Variants in TIGAR observed in about 807,000 individuals in gnomAD.
TIGAR encodes TP53 induced glycolysis regulatory phosphatase.
Under a neutral mutation model 17.9 loss-of-function variants are expected in TIGAR, and 7 were observed. The observed-to-expected ratio is 0.39, with a 90% CI of 0.22 to 0.73. The LOEUF (loss-of-function observed/expected upper bound fraction) is 0.73. Among genes scored for constraint, TIGAR ranks in the 30% least tolerant of loss-of-function variants. TIGAR has a pLI of 0.42. For missense variants in TIGAR, 258 were observed against 327.4 expected (o/e 0.79, Z 1.64); for synonymous variants, 94 against 108.6 (o/e 0.87, Z 0.84).
chr12:4,331,178 T>G, intron 1 of TIGAR, 102 bp from the exon 2 acceptor site: 2 of 993,702 alleles, frequency 2.0e-6, no homozygotes, highest in Non-Finnish European at 3.2e-6. Flanking sequence ...AAGTTTCACA[T>G]GATATTTTTA....
chr12:4,345,452 C>T (rs1275073508), intron 3 of TIGAR, among the ~76,000 whole-genome samples: 1 of 152,136 alleles, frequency 6.6e-6, no homozygotes, highest in Non-Finnish European at 1.5e-5. Context: ...AGAAATAATA[C>T]CACACATCTA....
At chr12:4,324,615 C>A (rs2120641819) in intron 1 of TIGAR, 1 of 1,545,812 alleles carries the variant, frequency 6.5e-7, no homozygotes, top group South Asian at 1.2e-5. Context: ...GCGGTGCCTC[C>A]TTCTTGGCCT....
intron 3 of TIGAR, among the ~76,000 whole-genome samples, chr12:4,343,444 C>A (rs1480291782): frequency 6.6e-6 from 1 of 152,216 alleles, no homozygotes; most frequent in Admixed American, 6.5e-5. Flanking sequence ...TTCTCAGCAC[C>A]ACACTGCACT....
intron 3 of TIGAR, among the ~76,000 whole-genome samples, chr12:4,348,397 A>C (rs894807312): frequency 6.6e-6 from 1 of 152,242 alleles, no homozygotes; most frequent in East Asian, 1.9e-4. Context: ...CAAGACTCCA[A>C]AGAATGAGGA....
At chr12:4,329,036 G>A (rs1021795668) in intron 1 of TIGAR, among the ~76,000 whole-genome samples, 3 of 151,910 alleles carry the variant, frequency 2.0e-5, no homozygotes, top group African/African-American at 4.8e-5. Flanking sequence ...TTGTTTCTTT[G>A]TGCAGATCCA....
At chr12:4,350,268 T>C (rs938897058) in intron 4 of TIGAR, among the ~76,000 whole-genome samples, 1 of 152,246 alleles carries the variant, frequency 6.6e-6, no homozygotes, top group Non-Finnish European at 1.5e-5. Flanking sequence ...TAAACATCTT[T>C]GTAGTTAATT....
At chr12:4,330,968 C>G (rs1419590624) in intron 1 of TIGAR, among the ~76,000 whole-genome samples, 1 of 152,118 alleles carries the variant, frequency 6.6e-6, no homozygotes, top group East Asian at 1.9e-4. Context: ...TTTCTTTTAA[C>G]AAAATTATTT....
In TIGAR at chr12:4,359,718, C is replaced by T. The variant is rs2120713226; in HGVS notation, c.*7027C>T. On this transcript the variant is annotated 3_prime_UTR_variant, in exon 6 of 6. Transcript: ENST00000179259. Reference sequence around the variant, plus strand: ...TTTTCATTTCTCTTGGGTAAATAATCTGGGAGTGGAATTGCTGAGTTATAG... The same window carrying T: ...TTTTCATTTCTCTTGGGTAAATAATTTGGGAGTGGAATTGCTGAGTTATAG... 6.6e-6 allele frequency among the ~76,000 whole-genome samples: 1 copy of T among 152,194 alleles called. No homozygotes were observed. Among genetic ancestry groups the T allele is most frequent in the South Asian group, 2.1e-4 (1 of 4,816 alleles).
intron 4 of TIGAR, among the ~76,000 whole-genome samples, chr12:4,350,638 G>A (rs2120692176): frequency 6.6e-6 from 1 of 152,204 alleles, no homozygotes; most frequent in South Asian, 2.1e-4. Flanking sequence ...TTAGCCGGGT[G>A]TGGTGGCACG....
chr12:4,335,105 T>C (rs1864643926), intron 2 of TIGAR, among the ~76,000 whole-genome samples: 1 of 152,172 alleles, frequency 6.6e-6, no homozygotes, highest in South Asian at 2.1e-4. Flanking sequence ...TGGTGTGATC[T>C]TGACTCACTG....
At position 4,321,230 on chromosome 12, in the gene TIGAR, C is replaced by T. The variant is rs142049886; in HGVS notation, c.-42C>T. On this transcript the variant is annotated 5_prime_UTR_variant, in exon 1 of 6. Coordinates refer to ENST00000179259, the MANE Select transcript of TIGAR (RefSeq NM_020375.3). The surrounding 1 kb of genome is among the most constrained non-coding windows in gnomAD (Gnocchi z 5.2). ...GGGGAGGTAGCCCGCAGTGCAGGGG[C>T]AGCGCGGCGCGGGGCCACCGACGGG... The T allele has an allele frequency of 1.9e-6, 3 of 1,598,232 alleles. No homozygotes were observed. Among genetic ancestry groups the T allele is most frequent in the Non-Finnish European group, 2.5e-6 (3 of 1,179,508 alleles).
At chr12:4,348,925 A>T (rs1469522400) in intron 3 of TIGAR, among the ~76,000 whole-genome samples, 1 of 152,252 alleles carries the variant, frequency 6.6e-6, no homozygotes, top group Non-Finnish European at 1.5e-5. Flanking sequence ...GAGCTTTAAA[A>T]TAACTATATT....
At chr12:4,345,490 C>G (rs946360077) in intron 3 of TIGAR, among the ~76,000 whole-genome samples, 1 of 152,102 alleles carries the variant, frequency 6.6e-6, no homozygotes, top group African/African-American at 2.4e-5. Context: ...ACAAACCTGA[C>G]AAAAACAAGA....
At chr12:4,335,830 T>C (rs1372717256) in intron 2 of TIGAR, among the ~76,000 whole-genome samples, 1 of 152,252 alleles carries the variant, frequency 6.6e-6, no homozygotes, top group African/African-American at 2.4e-5. Context: ...TGCTCTGTCT[T>C]TGAGTTCATT....
chr12:4,350,771 C>T (rs1187718109), intron 4 of TIGAR, among the ~76,000 whole-genome samples: 25 of 146,272 alleles, frequency 1.7e-4, no homozygotes, highest in Admixed American at 2.7e-4. Context: ...AGCGAGATTC[C>T]GTCTCAAAAA....
intron 3 of TIGAR, among the ~76,000 whole-genome samples, chr12:4,347,864 A>G (rs1169506299): frequency 2.6e-5 from 4 of 152,222 alleles, no homozygotes; most frequent in African/African-American, 9.6e-5. Flanking sequence ...AGCTGGGCAC[A>G]GTGGCTGATG....
chr12:4,357,808 G>A lies in TIGAR; in HGVS notation c.*5117G>A, dbSNP rs1864921488. ...TGGTTCTTAGTAATTTTGTGACCAA[G>A]CAATCGCTGAGGTGGCTGGGCGTGG... On this transcript the variant is annotated 3_prime_UTR_variant, in exon 6 of 6. Coordinates refer to ENST00000179259, the MANE Select transcript of TIGAR (RefSeq NM_020375.3). Among the ~76,000 whole-genome samples the A allele has an allele frequency of 6.6e-6, 1 of 151,974 alleles. No individual in the cohort carries two copies. Among genetic ancestry groups the A allele is most frequent in the South Asian group, 2.1e-4 (1 of 4,826 alleles).
rs111676645 is a variant in TIGAR, at chr12:4,321,998, ATTTTTTTTTTT to A, written c.32+698_32+708del. On this transcript the variant is annotated intron_variant, in intron 1 of 5. Transcript: ENST00000179259. The surrounding 1 kb of genome is among the most constrained non-coding windows in gnomAD (Gnocchi z 5.2). ...GTTAAGAGCACAGATTTTTATTTTT[ATTTTTTTTTTT>A]TTGTGAGATGGAGCCTCGCTCTGTC... Among the ~76,000 whole-genome samples, 1 of 114,028 alleles carries A rather than the reference ATTTTTTTTTTT, an allele frequency of 8.8e-6. No individual in the cohort carries two copies. Among genetic ancestry groups the A allele is most frequent in the Admixed American group, 9.0e-5 (1 of 11,052 alleles). The allele number at this position is 114,028 out of a possible 152,430, so 74.8% of individuals were successfully genotyped here. A position where few individuals can be genotyped will look rare whatever the true frequency, so the allele number is the denominator to read the frequency against.
At chr12:4,323,117 A>G (rs1352453565) in intron 1 of TIGAR, among the ~76,000 whole-genome samples, 5 of 150,804 alleles carry the variant, frequency 3.3e-5, no homozygotes, top group Non-Finnish European at 7.4e-5. Context: ...AAAAAAAAAA[A>G]AAGCTGGCTG....
Sources: gnomAD v4.1 joint callset for allele counts (sites outside exome capture counted in the v4.1 genomes callset) on GRCh38, gnomAD v4.1.1 for gene constraint, Gnocchi (gnomAD v3.1) non-coding constraint, MANE v1.5 for transcripts, NCBI Gene and HGNC (gene_info 2026-07-23, HGNC 2026-07-21) for gene names.